UBAP1L: variants seen among roughly 807,000 people sequenced by gnomAD.
UBAP1L encodes the protein ubiquitin-associated protein 1-like.
In UBAP1L, 32 loss-of-function variants were observed where a neutral mutation model predicts 32.1. The observed-to-expected ratio is 1.00, with a 90% CI of 0.75 to 1.34. The LOEUF is 1.34. Ranked by LOEUF, UBAP1L falls within the 40% of genes most tolerant of loss-of-function variation. UBAP1L has a pLI of 0.00. For synonymous variants in UBAP1L, 243 were observed against 250.2 expected (o/e 0.97, Z 0.27); for missense variants, 516 against 540.5 (o/e 0.95, Z 0.45).
At chr15:65,104,194 A>G (rs1236975139) in intron 2 of UBAP1L, among the ~76,000 whole-genome samples, 2 of 151,884 alleles carry the variant, frequency 1.3e-5, no homozygotes, top group Admixed American at 1.3e-4. Context: ...GGAGGTTGCA[A>G]TGTGCCAAGA....
In UBAP1L at chr15:65,102,050, A is replaced by C. The variant is rs116252605; in HGVS notation, c.699+56T>G. 638 of 845,772 alleles carry C rather than the reference A, an allele frequency of 7.5e-4. 1 individual carries two copies. The African/African-American group carries it at 0.01, about 14-fold the overall frequency. 52.4% of individuals were successfully genotyped at this position (845,772 alleles called of 1,614,324 possible). ...GCTGCGGGCTGGGCTGGACACCCAG[A>C]TTATGGGGCCTGGGCTGCTGATTGG... is the stretch of plus-strand genomic sequence containing the variant. On this transcript the variant is annotated intron_variant, in intron 3 of 5. Coordinates refer to ENST00000559089, the MANE Select transcript of UBAP1L (RefSeq NM_001163692.2). This position sits in a 1 kb window ranked among gnomAD's most constrained non-coding sequence, Gnocchi z 5.0.
At position 65,102,567 on chromosome 15, in the gene UBAP1L, G is replaced by C. The variant is rs577672362; in HGVS notation, c.238C>G (p.Leu80Val). Reference protein sequence around the residue: ...TASAPPAWLLLVSPEHGLAPA... With the variant: ...TASAPPAWLLVVSPEHGLAPA... ...GCCAGCCCATGTTCGGGGCTGACTAGCAAGAGCCAGGCTGGAGGGGCTGAC... is the reference window on the plus strand; with the variant it reads ...GCCAGCCCATGTTCGGGGCTGACTACCAAGAGCCAGGCTGGAGGGGCTGAC... Residue 80 changes from leucine to valine, a missense_variant, in exon 3 of 6, where the codon CTA becomes GTA. Coordinates refer to ENST00000559089, the MANE Select transcript of UBAP1L (RefSeq NM_001163692.2). This position sits in a 1 kb window ranked among gnomAD's most constrained non-coding sequence, Gnocchi z 5.0. 1 of 1,542,346 alleles carries C rather than the reference G, an allele frequency of 6.5e-7. No homozygotes were observed. The highest frequency in any genetic ancestry group is 8.7e-7 in the Non-Finnish European group (1 of 1,143,664).
chr15:65,110,663 C>G (rs1406396621), intron 1 of UBAP1L, among the ~76,000 whole-genome samples: 1 of 133,288 alleles, frequency 7.5e-6, no homozygotes, highest in African/African-American at 2.9e-5. Flanking sequence ...CCAGCCTGGG[C>G]GACAGAGTGA....
At chr15:65,104,842 C>T (rs1376282488) in intron 2 of UBAP1L, 4 of 330,044 alleles carry the variant, frequency 1.2e-5, no homozygotes, top group South Asian at 2.2e-5. Context: ...CCCATCTCTA[C>T]TAAAAATACA....
At chr15:65,107,986 A>C (rs188049619) in intron 1 of UBAP1L, among the ~76,000 whole-genome samples, 10 of 152,136 alleles carry the variant, frequency 6.6e-5, no homozygotes, top group Non-Finnish European at 1.3e-4. Context: ...TTTTGGTAGA[A>C]ATTGGCAAGC....
In UBAP1L at chr15:65,106,283, G is replaced by C. The variant is rs1288504187; in HGVS notation, c.-68C>G. 8.8e-6 allele frequency: 13 copies of C among 1,478,880 alleles called. No homozygotes were observed. The highest frequency in any genetic ancestry group is 1.4e-5 in the African/African-American group (1 of 69,100). The allele number at this position is 1,478,880 out of a possible 1,614,324, so 91.6% of individuals were successfully genotyped here. On this transcript the variant is annotated 5_prime_UTR_variant, in exon 2 of 6. Coordinates refer to ENST00000559089, the MANE Select transcript of UBAP1L (RefSeq NM_001163692.2). ...TGCTTGATGGCAGGGAGAGAGAGTC[G>C]AGTCCTGAGGACCAGGCTCAGGCCT...
At position 65,105,980 on chromosome 15, in the gene UBAP1L, C is replaced by T. The variant is rs752183994; in HGVS notation, c.120+116G>A. 162 of 1,417,858 alleles carry T rather than the reference C, an allele frequency of 1.1e-4. 1 individual carries two copies. Among genetic ancestry groups the T allele is most frequent in the South Asian group, 6.0e-4 (47 of 77,722 alleles). The allele number at this position is 1,417,858 out of a possible 1,614,324, so 87.8% of individuals were successfully genotyped here. ...TAATTTTTTGTATTGTTAGTAGATA[C>T]GGGGTTTCACCATGTTGGCCAGGGC... On this transcript the variant is annotated intron_variant, in intron 2 of 5. Transcript: ENST00000559089.
chr15:65,100,105 G>C (rs750659700), intron 3 of UBAP1L: 1 of 157,864 alleles, frequency 6.3e-6, no homozygotes, highest in African/African-American at 2.4e-5. Context: ...TTAGCCGGAC[G>C]TGGTGGCACA....
Position 65,102,546 on chromosome 15 carries a change from G to T in UBAP1L, c.259C>A (p.Leu87Met). Residue 87 changes from leucine to methionine, a missense_variant, in exon 3 of 6, where the codon CTG (leucine) becomes ATG (methionine). Physicochemically the swap from Leu to Met is conservative, Grantham distance 15. Coordinates refer to ENST00000559089, the MANE Select transcript of UBAP1L (RefSeq NM_001163692.2). The surrounding 1 kb of genome is among the most constrained non-coding windows in gnomAD (Gnocchi z 5.0). ...CTGATTGTGGTGGGCGCAGGCGCCA[G>T]CCCATGTTCGGGGCTGACTAGCAAG... ...WLLLVSPEHG[L>M]APAPTTIRDP... is the part of the protein sequence containing the mutation. 6.5e-7 allele frequency: 1 copy of T among 1,528,388 alleles called. No homozygotes were observed. The allele number at this position is 1,528,388 out of a possible 1,614,324, so 94.7% of individuals were successfully genotyped here. A position where few individuals can be genotyped will look rare whatever the true frequency, so the allele number is the denominator to read the frequency against.
chr15:65,102,025 G>A lies in UBAP1L; in HGVS notation c.699+81C>T. 1 of 572,064 alleles carries A rather than the reference G, an allele frequency of 1.7e-6. No homozygotes were observed. The highest frequency in any genetic ancestry group is 2.5e-6 in the Non-Finnish European group (1 of 397,144). The allele number at this position is 572,064 out of a possible 1,614,324, so 35.4% of individuals were successfully genotyped here. A position where few individuals can be genotyped will look rare whatever the true frequency, so the allele number is the denominator to read the frequency against. On this transcript the variant is annotated intron_variant, in intron 3 of 5. Transcript: ENST00000559089. The surrounding 1 kb of genome is among the most constrained non-coding windows in gnomAD (Gnocchi z 5.0). ...GGAGCGCGTGGAGTAGGGGACCGAG[G>A]CTGCGGGCTGGGCTGGACACCCAGA...
In UBAP1L at chr15:65,092,878, C is replaced by T. The variant is rs1018060983; in HGVS notation, c.*219G>A. 1.7e-5 allele frequency: 10 copies of T among 604,236 alleles called. No homozygotes were observed. Among genetic ancestry groups the T allele is most frequent in the Non-Finnish European group, 2.2e-5 (8 of 363,180 alleles). The allele number at this position is 604,236 out of a possible 1,614,324, so 37.4% of individuals were successfully genotyped here. Reference sequence around the variant, plus strand: ...CAGGCATGCATGAAGAACATAGCTCCCCGTCCGGCTCTCCCATCTGCCCCT... The same window carrying T: ...CAGGCATGCATGAAGAACATAGCTCTCCGTCCGGCTCTCCCATCTGCCCCT... On this transcript the variant is annotated 3_prime_UTR_variant, in exon 6 of 6. Coordinates refer to ENST00000559089, the MANE Select transcript of UBAP1L (RefSeq NM_001163692.2).
In UBAP1L at chr15:65,093,178, C is replaced by T. The variant is rs1393897805; in HGVS notation, c.1065G>A (p.Gln355=). 1 of 1,550,264 alleles carries T rather than the reference C, an allele frequency of 6.5e-7. No homozygotes were observed. Among genetic ancestry groups the T allele is most frequent in the South Asian group, 1.2e-5 (1 of 83,978 alleles). Residue 355 remains glutamine (Q), a synonymous_variant, in exon 6 of 6, where the codon CAG becomes CAA. Coordinates refer to ENST00000559089, the MANE Select transcript of UBAP1L (RefSeq NM_001163692.2). Reference sequence around the variant, plus strand: ...CCAGCAGCACCTCCTTGATCCGGTCCTGCTGGAAGCCCATGTCACTGAACT... The same window carrying T: ...CCAGCAGCACCTCCTTGATCCGGTCTTGCTGGAAGCCCATGTCACTGAACT... ...WEQFSDMGFQ[Q]DRIKEVLLVH...
chr15:65,096,282 G>A (rs2087172741), intron 4 of UBAP1L: 1 of 152,186 alleles, frequency 6.6e-6, no homozygotes, highest in Non-Finnish European at 1.5e-5. Context: ...CTCACCTTCA[G>A]AGGTTACGAT....
chr15:65,099,274 T>G, intron 4 of UBAP1L: 1 of 540,800 alleles, frequency 1.8e-6, no homozygotes, highest in East Asian at 3.1e-5. Flanking sequence ...GAGATCCACT[T>G]ACCTCAGGTC....
intron 1 of UBAP1L, among the ~76,000 whole-genome samples, chr15:65,108,573 CT>C (rs2087342705): frequency 6.6e-6 from 1 of 151,828 alleles, no homozygotes; most frequent in Non-Finnish European, 1.5e-5. Flanking sequence ...AGCAAGACCC[CT>C]ATCTCTACAA....
Position 65,102,084 on chromosome 15 carries a change from G to C in UBAP1L, c.699+22C>G. 1.7e-6 allele frequency: 2 copies of C among 1,144,526 alleles called. No individual in the cohort carries two copies. Among genetic ancestry groups the C allele is most frequent in the Non-Finnish European group, 2.2e-6 (2 of 914,960 alleles). The allele number at this position is 1,144,526 out of a possible 1,614,324, so 70.9% of individuals were successfully genotyped here. A position where few individuals can be genotyped will look rare whatever the true frequency, so the allele number is the denominator to read the frequency against. ...CCTGGGCTGCTGATTGGCGGCCTTG[G>C]AGGGGCGGGCAGAATCCTTACCGCG... On this transcript the variant is annotated intron_variant, in intron 3 of 5. Transcript: ENST00000559089. This position sits in a 1 kb window ranked among gnomAD's most constrained non-coding sequence, Gnocchi z 5.0.
Position 65,094,124 on chromosome 15 carries a change from A to G in UBAP1L, c.1011+351T>C, listed in dbSNP as rs769060672. On this transcript the variant is annotated intron_variant, in intron 5 of 5. Coordinates refer to ENST00000559089, the MANE Select transcript of UBAP1L (RefSeq NM_001163692.2). The surrounding 1 kb of genome is among the most constrained non-coding windows in gnomAD (Gnocchi z 4.2). ...GGCACGCTCCCCAAGTAGAAAGGTC[A>G]TGCATCTTTGTGCTGCCCATGGCTC... 4.6e-5 allele frequency among the ~76,000 whole-genome samples: 7 copies of G among 152,194 alleles called. No homozygotes were observed. Among genetic ancestry groups the G allele is most frequent in the South Asian group, 2.1e-4 (1 of 4,828 alleles).
In UBAP1L at chr15:65,102,298, G is replaced by A. The variant is rs1205021135; in HGVS notation, c.507C>T (p.Ser169=). 2.8e-6 allele frequency: 4 copies of A among 1,415,324 alleles called. No individual in the cohort carries two copies. In the South Asian group the frequency reaches 5.7e-5, roughly 20 times the overall value. 87.7% of individuals were successfully genotyped at this position (1,415,324 alleles called of 1,614,324 possible). A position where few individuals can be genotyped will look rare whatever the true frequency, so the allele number is the denominator to read the frequency against. Residue 169 remains serine, a synonymous_variant, in exon 3 of 6, where the codon TCC becomes TCT. Coordinates refer to ENST00000559089, the MANE Select transcript of UBAP1L (RefSeq NM_001163692.2). This position sits in a 1 kb window ranked among gnomAD's most constrained non-coding sequence, Gnocchi z 5.0. Reference sequence around the variant, plus strand: ...GGCCATGCAGGAGGGCGCGGGGCCGGGAGACCAGCTTCCCCTCGGAGAGCC... The same window carrying A: ...GGCCATGCAGGAGGGCGCGGGGCCGAGAGACCAGCTTCCCCTCGGAGAGCC... ...RRRLSEGKLV[S]RPRALLHGLR...
chr15:65,109,499 A>AC (rs1007402598), intron 1 of UBAP1L, among the ~76,000 whole-genome samples: 3 of 151,116 alleles, frequency 2.0e-5, no homozygotes, highest in South Asian at 2.1e-4. Flanking sequence ...AAAAAAAAAA[A>AC]AAAAAACTTC....
Sources: gnomAD v4.1 joint callset for allele counts (sites outside exome capture counted in the v4.1 genomes callset) on GRCh38, gnomAD v4.1.1 for gene constraint, Gnocchi (gnomAD v3.1) non-coding constraint, MANE v1.5 for transcripts, NCBI Gene and HGNC (gene_info 2026-07-23, HGNC 2026-07-21) for gene names.